Variants in UNC80 observed in about 807,000 individuals in gnomAD.
UNC80 encodes protein unc-80 homolog.
In UNC80, 164 loss-of-function variants were observed where a neutral mutation model predicts 384.6. The ratio of observed to expected loss-of-function variants is 0.43; its 90% CI spans 0.38 to 0.49. The LOEUF is 0.49. Ranked by LOEUF, UNC80 falls within the 20% of genes least tolerant of loss-of-function variation. The pLI, the probability that UNC80 is intolerant of heterozygous loss-of-function variation, is 0.00. For missense variants in UNC80, 3,330 were observed against 4,143.0 expected, an observed-to-expected ratio of 0.80 and a Z score of 5.39; for synonymous variants, 1,486 against 1,527.8, an observed-to-expected ratio of 0.97 and a Z score of 0.64.
At chr2:209,953,917 A>G (rs2092303566) in intron 47 of UNC80, among the ~76,000 whole-genome samples, 183 bp from the exon 48 acceptor site, 1 of 152,238 alleles carries the variant, frequency 6.6e-6, no homozygotes, top group South Asian at 2.1e-4. Context: ...GCAGGTGGTT[A>G]GTGAATTAAT....
intron 43 of UNC80, among the ~76,000 whole-genome samples, chr2:209,940,773 C>T (rs866263571): frequency 1.3e-5 from 2 of 152,174 alleles, no homozygotes; most frequent in African/African-American, 4.8e-5. Context: ...GCCGAGATTG[C>T]GCCATTGCAC....
intron 36 of UNC80, among the ~76,000 whole-genome samples, chr2:209,927,196 A>C (rs984445372): frequency 6.6e-6 from 1 of 152,298 alleles, no homozygotes; most frequent in Admixed American, 6.5e-5. Context: ...AAAAAATTGC[A>C]TTTAAAATAG....
intron 54 of UNC80, 66 bp downstream of exon 54, chr2:209,971,023 T>C: frequency 6.7e-7 from 1 of 1,496,678 alleles, no homozygotes. Context: ...ATCATGGTGT[T>C]CTCGTTTTTT....
At chr2:209,857,922 C>G (rs1295291248) in intron 22 of UNC80, among the ~76,000 whole-genome samples, 1 of 152,094 alleles carries the variant, frequency 6.6e-6, no homozygotes, top group African/African-American at 2.4e-5. Context: ...TTTAGACTTC[C>G]TTTATGACCT....
Position 209,877,996 on chromosome 2 carries a change from G to C in UNC80, c.3883G>C (p.Glu1295Gln). 6.5e-7 allele frequency: 1 copy of C among 1,543,738 alleles called. No homozygotes were observed. The change falls in exon 24 of 65, where the codon GAG becomes CAG. Residue 1295 changes from glutamate to glutamine, a missense_variant. This residue lies in a region of UNC80 where 801 missense variants were observed against 950.8 expected (regional missense o/e 0.84). Transcript: ENST00000673920. ...RLNELCHGESESPANLLGLIY... is the reference protein window; with the variant it reads ...RLNELCHGESQSPANLLGLIY... ...GAATGAGCTGTGCCACGGGGAAAGT[G>C]AGAGCCCAGCCAACCTGCTGGGTCT...
intron 6 of UNC80, among the ~76,000 whole-genome samples, chr2:209,789,930 T>A (rs1199685786): frequency 6.6e-6 from 1 of 152,160 alleles, no homozygotes; most frequent in Non-Finnish European, 1.5e-5. Flanking sequence ...CATCCCAGAT[T>A]AAATAACATA....
At chr2:209,967,254 T>C (rs912903280) in intron 51 of UNC80, among the ~76,000 whole-genome samples, 183 bp from the exon 52 acceptor site, 5 of 152,120 alleles carry the variant, frequency 3.3e-5, no homozygotes, top group Non-Finnish European at 5.9e-5. Context: ...AATATGCATA[T>C]GTAGGTATCA....
intron 14 of UNC80, 43 bp downstream of exon 14, chr2:209,826,096 T>A (rs1234009019): frequency 6.6e-7 from 1 of 1,517,468 alleles, no homozygotes; most frequent in African/African-American, 1.4e-5. Context: ...CCCTCTTCCT[T>A]CCCTTCTGTT....
At chr2:209,864,989 A>T (rs111333825) in intron 22 of UNC80, among the ~76,000 whole-genome samples, 1,948 of 152,256 alleles carry the variant, frequency 0.013, 47 homozygotes, top group African/African-American at 0.043. Flanking sequence ...CGTGAGGGGC[A>T]TCTTCGGATC....
chr2:209,959,547 C>A lies in UNC80; in HGVS notation c.7645C>A (p.Arg2549=). Residue 2549 remains arginine, a synonymous_variant, in exon 51 of 65, where the codon CGA becomes AGA. Transcript: ENST00000673920. ...QGIPREELDE[R]IAREEFRRPR... ...CATTCCCAGAGAGGAACTGGATGAA[C>A]GAATTGCTCGGGAAGAGTTCAGAAG... 1 of 1,551,640 alleles carries A rather than the reference C, an allele frequency of 6.4e-7. No homozygotes were observed. Among genetic ancestry groups the A allele is most frequent in the East Asian group, 2.4e-5 (1 of 40,926 alleles).
At chr2:209,922,509 C>A in intron 35 of UNC80, 126 bp downstream of exon 35, 2 of 1,212,054 alleles carry the variant, frequency 1.7e-6, no homozygotes, top group South Asian at 2.2e-5. Flanking sequence ...ACTTGACATT[C>A]TAAAAAAAAT....
chr2:209,815,391 G>A lies in UNC80; in HGVS notation c.1335G>A (p.Lys445=). Reference sequence around the variant, plus strand: ...ACCTGGGCATGAATATTTTTAAAAAGGTGAGTAGAAATGCTTATGCTCTTT... The same window carrying A: ...ACCTGGGCATGAATATTTTTAAAAAAGTGAGTAGAAATGCTTATGCTCTTT... ...SSDLGMNIFK[K]FKSRKEDRER... is the part of the protein sequence containing the mutation. Residue 445 remains lysine (K), a splice_region_variant and synonymous_variant, in exon 9 of 65, where the codon AAG becomes AAA. Transcript: ENST00000673920. The A allele has an allele frequency of 6.4e-7, 1 of 1,550,592 alleles. No homozygotes were observed. The highest frequency in any genetic ancestry group is 8.7e-7 in the Non-Finnish European group (1 of 1,146,540).
At position 209,805,048 on chromosome 2, in the gene UNC80, T is replaced by G. The variant is rs1250309936; in HGVS notation, c.939-8532T>G. The stretch of plus-strand genomic sequence containing the variant: ...ATTTCCCATCTGGAGAAGCTGAGAT[T>G]TTTCAAAATCAAGTTCCAGCTCATT... On this transcript the variant is annotated intron_variant, in intron 7 of 64. Coordinates refer to ENST00000673920, the MANE Select transcript of UNC80 (RefSeq NM_001371986.1). Among the ~76,000 whole-genome samples, 8 of 152,218 alleles carry G rather than the reference T, an allele frequency of 5.3e-5. No homozygotes were observed. In the East Asian group the frequency reaches 1.5e-3, roughly 29 times the overall value.
rs1176675809 is a variant in UNC80 at position 209,775,955 on chromosome 2, C to G, written c.208C>G (p.Gln70Glu). Residue 70 changes from glutamine to glutamate, a missense_variant, in exon 3 of 65, where the codon CAG becomes GAG. Physicochemically the swap from Gln to Glu is conservative, Grantham distance 29. Around this residue, in one of 8 missense-constraint regions of UNC80, gnomAD observed 86 missense variants for 141.5 expected, o/e 0.61. Coordinates refer to ENST00000673920, the MANE Select transcript of UNC80 (RefSeq NM_001371986.1). ...GLSPALSEAI[Q>E]SISRWELVQA... ...CTCTCCAGCTCTCTCTGAAGCCATC[C>G]AGAGCATTTCCAGATGGGAACTGGT... The G allele has an allele frequency of 2.5e-6, 4 of 1,614,160 alleles. No individual in the cohort carries two copies. The highest frequency in any genetic ancestry group is 2.5e-6 in the Non-Finnish European group (3 of 1,180,024).
chr2:209,820,737 A>C (rs2080076462), intron 13 of UNC80, 58 bp downstream of exon 13: 2 of 1,461,220 alleles, frequency 1.4e-6, no homozygotes, highest in South Asian at 3.0e-5. Flanking sequence ...TTCTTTCTAA[A>C]GCTTGCTTGC....
intron 48 of UNC80, among the ~76,000 whole-genome samples, chr2:209,956,910 TTCTAGCCA>T (rs1559393321): frequency 6.6e-6 from 1 of 152,166 alleles, no homozygotes; most frequent in Non-Finnish European, 1.5e-5. Context: ...AAAGCTTACT[TTCTAGCCA>T]TCCCCAGCAG....
In UNC80 at chr2:209,976,201, T is replaced by G; in HGVS notation, c.8670T>G (p.Ala2890=). Residue 2890 remains alanine (A), a synonymous_variant, in exon 57 of 65, where the codon GCT becomes GCG. Coordinates refer to ENST00000673920, the MANE Select transcript of UNC80 (RefSeq NM_001371986.1). This position sits in a 1 kb window ranked among gnomAD's most constrained non-coding sequence, Gnocchi z 4.3. ...TGAGCCTCCAGGTGAAGGAGATGGC[T>G]CTGCGGAAGGTGGGAGGCCTGGCCC... ...YWLSLQVKEM[A]LRKVGGLALW... 1 of 1,551,690 alleles carries G rather than the reference T, an allele frequency of 6.4e-7. No homozygotes were observed. The highest frequency in any genetic ancestry group is 1.7e-4 in the Middle Eastern group (1 of 5,992).
chr2:209,975,006 A>G (rs1010277189), intron 56 of UNC80, among the ~76,000 whole-genome samples: 2 of 152,202 alleles, frequency 1.3e-5, no homozygotes, highest in Non-Finnish European at 2.9e-5. Flanking sequence ...TTGAGGAGGA[A>G]TATGGGTAAG....
At chr2:209,800,754 G>A (rs2078492537) in intron 7 of UNC80, among the ~76,000 whole-genome samples, 1 of 152,104 alleles carries the variant, frequency 6.6e-6, no homozygotes, top group African/African-American at 2.4e-5. Context: ...CTGGTACGTT[G>A]TCTCTTTGTT....
Sources: gnomAD v4.1 joint callset for allele counts (sites outside exome capture counted in the v4.1 genomes callset) on GRCh38, gnomAD v4.1.1 for gene constraint, gnomAD v4.1.1 regional missense constraint, Gnocchi (gnomAD v3.1) non-coding constraint, MANE v1.5 for transcripts, NCBI Gene and HGNC (gene_info 2026-07-23, HGNC 2026-07-21) for gene names.